The following GNPDA2 variants were observed in gnomAD, a reference collection of about 807,000 sequenced individuals.
GNPDA2 encodes glucosamine-6-phosphate deaminase 2.
GNPDA2 carries 24 observed loss-of-function variants against 27.0 expected under a neutral mutation model. The observed-to-expected ratio is 0.89, with a 90% CI of 0.64 to 1.25. GNPDA2 has a LOEUF of 1.25. Ranked by LOEUF, GNPDA2 falls within the 50% of genes most tolerant of loss-of-function variation. GNPDA2 has a pLI of 0.00. For synonymous variants in GNPDA2, 94 were observed against 108.4 expected (o/e 0.87, Z 0.83); for missense variants, 286 against 335.1 (o/e 0.85, Z 1.14).
At chr4:44,716,442 C>A (rs369898284) in intron 4 of GNPDA2, among the ~76,000 whole-genome samples, 1 of 151,698 alleles carries the variant, frequency 6.6e-6, no homozygotes, top group Non-Finnish European at 1.5e-5. Context: ...TAGCTGTCTG[C>A]GATAGTTTAC....
intron 5 of GNPDA2, among the ~76,000 whole-genome samples, chr4:44,709,513 T>C (rs185685013): frequency 6.6e-6 from 1 of 152,172 alleles, no homozygotes; most frequent in African/African-American, 2.4e-5. Context: ...GTGATTCTTA[T>C]GTACACTAAT....
chr4:44,717,349 A>T (rs1194798940), intron 3 of GNPDA2, 54 bp from the exon 4 acceptor site: 1 of 1,041,022 alleles, frequency 9.6e-7, no homozygotes, highest in African/African-American at 1.6e-5. Flanking sequence ...TCTAAAGTTT[A>T]TTTTTCTTTT....
intron 5 of GNPDA2, among the ~76,000 whole-genome samples, chr4:44,708,164 T>C (rs755677741): frequency 2.6e-5 from 4 of 152,112 alleles, no homozygotes; most frequent in African/African-American, 4.8e-5. Flanking sequence ...GCAAACACTA[T>C]AATACCTGTA....
Position 44,701,972 on chromosome 4 carries a change from G to A in GNPDA2, c.*1109C>T, listed in dbSNP as rs1226456999. 1.0e-6 allele frequency: 1 copy of A among 984,782 alleles called. No individual in the cohort carries two copies. Among genetic ancestry groups the A allele is most frequent in the African/African-American group, 1.7e-5 (1 of 57,176 alleles). The allele number at this position is 984,782 out of a possible 1,614,324, so 61.0% of individuals were successfully genotyped here. A position where few individuals can be genotyped will look rare whatever the true frequency, so the allele number is the denominator to read the frequency against. On this transcript the variant is annotated 3_prime_UTR_variant, in exon 7 of 7. Coordinates refer to ENST00000295448, the MANE Select transcript of GNPDA2 (RefSeq NM_138335.3). ...GGCTTCTTCTACCAGGTGGGCTTAT[G>A]AAATGCAAAATAAGCAAAAGGAGCA...
chr4:44,720,225 A>C (rs1049523132), intron 2 of GNPDA2, among the ~76,000 whole-genome samples: 1 of 152,136 alleles, frequency 6.6e-6, no homozygotes, highest in South Asian at 2.1e-4. Context: ...AAAGCTCACA[A>C]TCTTGAGAAA....
At chr4:44,725,632 T>C (rs956172418) in intron 1 of GNPDA2, among the ~76,000 whole-genome samples, 2 of 152,124 alleles carry the variant, frequency 1.3e-5, no homozygotes, top group Non-Finnish European at 2.9e-5. Context: ...CCTCCAAAAG[T>C]CCCAAATGAA....
intron 2 of GNPDA2, among the ~76,000 whole-genome samples, chr4:44,719,086 C>T (rs7692168): frequency 0.53 from 79,870 of 151,824 alleles, 22,435 homozygotes; most frequent in Non-Finnish European, 0.64. Context: ...GAAAAGATGG[C>T]GCTTCATGAT....
intron 6 of GNPDA2, chr4:44,704,907 C>CTAT: frequency 3.1e-6 from 3 of 983,320 alleles, no homozygotes; most frequent in Non-Finnish European, 3.6e-6. Context: ...CAAAGCTGTT[C>CTAT]TATTTAAAAA....
chr4:44,710,830 A>G, intron 5 of GNPDA2, 123 bp downstream of exon 5: 1 of 837,266 alleles, frequency 1.2e-6, no homozygotes, highest in South Asian at 2.5e-5. Flanking sequence ...ACTGAAAACT[A>G]GAAAACAATT....
At chr4:44,719,622 C>T (rs977891282) in intron 2 of GNPDA2, among the ~76,000 whole-genome samples, 1 of 152,028 alleles carries the variant, frequency 6.6e-6, no homozygotes, top group Admixed American at 6.6e-5. Flanking sequence ...TGCTTTCCCT[C>T]TTCCTTTCTC....
At position 44,702,683 on chromosome 4, in the gene GNPDA2, A is replaced by G. The variant is rs111948528; in HGVS notation, c.*398T>C. The G allele has an allele frequency of 0.037, 37,896 of 1,031,064 alleles. 760 individuals carry two copies. The highest frequency in any genetic ancestry group is 0.042 in the Middle Eastern group (90 of 2,158). 63.9% of individuals were successfully genotyped at this position (1,031,064 alleles called of 1,614,324 possible). On this transcript the variant is annotated 3_prime_UTR_variant, in exon 7 of 7. Coordinates refer to ENST00000295448, the MANE Select transcript of GNPDA2 (RefSeq NM_138335.3). ...TGCATTCCAAAAGTGAAGGTCTGCA[A>G]TGATAGTTTGTTATCTGAAAGGTTT... is the stretch of plus-strand genomic sequence containing the variant.
At position 44,702,359 on chromosome 4, in the gene GNPDA2, T is replaced by A. The variant is rs1389156202; in HGVS notation, c.*722A>T. On this transcript the variant is annotated 3_prime_UTR_variant, in exon 7 of 7. Coordinates refer to ENST00000295448, the MANE Select transcript of GNPDA2 (RefSeq NM_138335.3). ...TCCAAAAGAATTTCCTGAAGTGGCT[T>A]GCTAGGTATAAAGCTCATAATTGTC... 4 of 906,612 alleles carry A rather than the reference T, an allele frequency of 4.4e-6. No individual in the cohort carries two copies. Among genetic ancestry groups the A allele is most frequent in the Non-Finnish European group, 5.3e-6 (4 of 757,968 alleles). The allele number at this position is 906,612 out of a possible 1,614,324, so 56.2% of individuals were successfully genotyped here.
rs6854784 is a variant in GNPDA2 at position 44,702,796 on chromosome 4, G to C, written c.*285C>G. 2 of 1,228,822 alleles carry C rather than the reference G, an allele frequency of 1.6e-6. No individual in the cohort carries two copies. The highest frequency in any genetic ancestry group is 2.0e-6 in the Non-Finnish European group (2 of 984,836). The allele number at this position is 1,228,822 out of a possible 1,614,324, so 76.1% of individuals were successfully genotyped here. On this transcript the variant is annotated 3_prime_UTR_variant, in exon 7 of 7. Transcript: ENST00000295448. ...GATGTGGACACTCTACCTTTAAAAT[G>C]ACTTTTTAAACAGGCAGACATTTCT...
intron 5 of GNPDA2, 30 bp downstream of exon 5, chr4:44,710,919 AAAAG>A (rs1716934077): frequency 4.1e-6 from 6 of 1,478,254 alleles, no homozygotes; most frequent in East Asian, 2.4e-5. Context: ...TATTAACATG[AAAAG>A]AAAGACAGCA....
intron 1 of GNPDA2, among the ~76,000 whole-genome samples, chr4:44,723,972 G>A (rs1717844834): frequency 6.6e-6 from 1 of 152,170 alleles, no homozygotes; most frequent in Non-Finnish European, 1.5e-5. Flanking sequence ...ATGAAGGGAT[G>A]GCCCATGCTT....
chr4:44,705,626 A>C (rs1434679516), intron 6 of GNPDA2: 3 of 232,632 alleles, frequency 1.3e-5, no homozygotes, highest in Non-Finnish European at 2.1e-5. Context: ...AGTGATTATC[A>C]TATGGGAAAA....
rs1716308077 is a variant in GNPDA2, at chr4:44,702,126, T to G, written c.*955A>C. The G allele has an allele frequency of 1.0e-6, 1 of 959,048 alleles. No homozygotes were observed. Among genetic ancestry groups the G allele is most frequent in the Non-Finnish European group, 1.2e-6 (1 of 805,666 alleles). 59.4% of individuals were successfully genotyped at this position (959,048 alleles called of 1,614,324 possible). A position where few individuals can be genotyped will look rare whatever the true frequency, so the allele number is the denominator to read the frequency against. On this transcript the variant is annotated 3_prime_UTR_variant, in exon 7 of 7. Transcript: ENST00000295448. ...GTTGGGAGTCGAATGCATGTATTCT[T>G]CAGGTTCACTTCTGGAAATTTAGAT...
At chr4:44,714,352 T>C (rs1717154960) in intron 4 of GNPDA2, 1 of 985,356 alleles carries the variant, frequency 1.0e-6, no homozygotes, top group Non-Finnish European at 1.2e-6. Flanking sequence ...GATACACCTT[T>C]TACCCTTTCT....
In GNPDA2 at chr4:44,711,222, T is replaced by A. The variant is rs957712105; in HGVS notation, c.410-85A>T. The A allele has an allele frequency of 2.4e-5, 17 of 697,724 alleles. No individual in the cohort carries two copies. In the African/African-American group the frequency reaches 3.7e-4, roughly 15 times the overall value. The allele number at this position is 697,724 out of a possible 1,614,324, so 43.2% of individuals were successfully genotyped here. On this transcript the variant is annotated intron_variant, in intron 4 of 6. Transcript: ENST00000295448. Reference sequence around the variant, plus strand: ...TGTGCGTTAAAGAACAAAAAAAAAATCACCTTGTTTTATTTTATACTTGAA... The same window carrying A: ...TGTGCGTTAAAGAACAAAAAAAAAAACACCTTGTTTTATTTTATACTTGAA...
Sources: allele counts gnomAD v4.1 joint callset (sites outside exome capture counted in the v4.1 genomes callset), GRCh38; gene constraint gnomAD v4.1.1; transcripts MANE v1.5; gene names NCBI Gene and HGNC (gene_info 2026-07-23, HGNC 2026-07-21).